RGS17: variants seen among roughly 807,000 people sequenced by gnomAD.
RGS17 encodes the protein regulator of G-protein signaling 17.
Under a neutral mutation model 25.5 loss-of-function variants are expected in RGS17, and 12 were observed. The ratio of observed to expected loss-of-function variants is 0.47; its 90% confidence interval spans 0.30 to 0.76. RGS17 has a LOEUF of 0.76. RGS17 is among the 30% of genes least tolerant of loss of function. The pLI, the probability that RGS17 is intolerant of heterozygous loss-of-function variation, is 0.07. For missense variants in RGS17, 196 were observed against 242.2 expected (o/e 0.81, Z 1.27); for synonymous variants, 71 against 76.9 (o/e 0.92, Z 0.40).
At chr6:153,013,984 T>C (rs1162256446) in intron 4 of RGS17, among the ~76,000 whole-genome samples, 1 of 152,204 alleles carries the variant, frequency 6.6e-6, no homozygotes, top group Non-Finnish European at 1.5e-5. Context: ...AGATAATTGA[T>C]GGAGGTGGCT....
At chr6:153,019,643 C>T (rs1779219805) in intron 4 of RGS17, among the ~76,000 whole-genome samples, 1 of 152,088 alleles carries the variant, frequency 6.6e-6, no homozygotes, top group Non-Finnish European at 1.5e-5. Context: ...CACCTCCCCA[C>T]CCCTTGCTCC....
chr6:153,024,371 A>G lies in RGS17; in HGVS notation c.335T>C (p.Leu112Pro). Residue 112 changes from leucine to proline, a missense_variant, in exon 4 of 5, where the codon CTT becomes CCT. Leu to Pro is a moderately conservative substitution (Grantham distance 98). Around this residue, in one of 2 missense-constraint regions of RGS17, gnomAD observed 179 missense variants for 197.6 expected, o/e 0.91. Coordinates refer to ENST00000206262, the MANE Select transcript of RGS17 (RefSeq NM_012419.5). ...TAAGTCTTCACAAGCAAGCCAGAAA[A>G]GTAGGTTCTCTTCACTGTATTCTGT... ...LRTEYSEENL[L>P]FWLACEDLKK... The G allele has an allele frequency of 6.2e-7, 1 of 1,614,172 alleles. No homozygotes were observed. Among genetic ancestry groups the G allele is most frequent in the East Asian group, 2.2e-5 (1 of 44,890 alleles).
intron 1 of RGS17, among the ~76,000 whole-genome samples, chr6:153,098,230 A>G (rs553223470): frequency 2.2e-4 from 34 of 152,300 alleles, no homozygotes; most frequent in African/African-American, 8.2e-4. Flanking sequence ...GTATTGGAGT[A>G]TGGATGAGGG....
chr6:153,085,781 T>C (rs116765327), intron 1 of RGS17, among the ~76,000 whole-genome samples: 1,662 of 152,290 alleles, frequency 0.011, 41 homozygotes, highest in African/African-American at 0.036. Flanking sequence ...AACAAATCCA[T>C]TAAGTGTCCA....
At chr6:153,061,241 G>A (rs1048865218) in intron 1 of RGS17, among the ~76,000 whole-genome samples, 4 of 152,190 alleles carry the variant, frequency 2.6e-5, no homozygotes, top group African/African-American at 7.2e-5. Context: ...TACAGTTAGA[G>A]CAGCTTTTGT....
At chr6:153,047,318 T>C (rs1216530169) in intron 1 of RGS17, among the ~76,000 whole-genome samples, 2 of 152,206 alleles carry the variant, frequency 1.3e-5, no homozygotes, top group Admixed American at 6.5e-5. Flanking sequence ...TCTATGTTTC[T>C]CTGTTTAGAT....
chr6:153,089,952 C>T (rs1273003475), intron 1 of RGS17, among the ~76,000 whole-genome samples: 1 of 152,114 alleles, frequency 6.6e-6, no homozygotes, highest in Non-Finnish European at 1.5e-5. Context: ...AGTGTCTAGT[C>T]CACATAATCA....
intron 1 of RGS17, among the ~76,000 whole-genome samples, chr6:153,081,917 T>C (rs574332152): frequency 6.6e-6 from 1 of 152,334 alleles, no homozygotes; most frequent in African/African-American, 2.4e-5. Context: ...CTTCTTGCAT[T>C]ACAGTTCTGT....
chr6:153,047,960 G>A (rs1408912743), intron 1 of RGS17, among the ~76,000 whole-genome samples: 5 of 151,736 alleles, frequency 3.3e-5, no homozygotes, highest in East Asian at 1.9e-4. Context: ...CATCTTCCTC[G>A]CTTTCAAATT....
chr6:153,009,232 A>G lies in RGS17; in HGVS notation c.*2342T>C, dbSNP rs372355367. On this transcript the variant is annotated 3_prime_UTR_variant, in exon 5 of 5. Transcript: ENST00000206262. ...TATGACTAGCAGGTCACCATCATAT[A>G]TAGTAACAACGAGAATATAAAGTCT... is the stretch of plus-strand genomic sequence containing the variant. The G allele has an allele frequency of 7.5e-4, 114 of 152,262 alleles. 1 individual carries two copies. Among genetic ancestry groups the G allele is most frequent in the African/African-American group, 2.5e-3 (105 of 41,572 alleles). The allele number at this position is 152,262 out of a possible 1,614,324, so 9.4% of individuals were successfully genotyped here.
intron 1 of RGS17, among the ~76,000 whole-genome samples, chr6:153,127,412 T>G (rs1279176172): frequency 6.6e-6 from 1 of 152,226 alleles, no homozygotes; most frequent in Non-Finnish European, 1.5e-5. Context: ...TTATAAGCAC[T>G]CAGTACATGC....
At chr6:153,066,286 G>A (rs533842425) in intron 1 of RGS17, among the ~76,000 whole-genome samples, 5 of 152,148 alleles carry the variant, frequency 3.3e-5, no homozygotes, top group South Asian at 2.1e-4. Context: ...GTACACTGTT[G>A]GTGGGAACAT....
At chr6:153,109,496 A>G (rs1255542187) in intron 1 of RGS17, among the ~76,000 whole-genome samples, 1 of 152,262 alleles carries the variant, frequency 6.6e-6, no homozygotes, top group Non-Finnish European at 1.5e-5. Flanking sequence ...TTGTTTTAGC[A>G]GCCGCACATT....
intron 3 of RGS17, 107 bp from the exon 4 acceptor site, chr6:153,024,603 T>C: frequency 2.5e-6 from 2 of 792,134 alleles, no homozygotes; most frequent in Non-Finnish European, 2.1e-6. Flanking sequence ...TGCTGCCATC[T>C]AGTGGTCAGT....
chr6:153,027,927 T>A (rs890977715), intron 2 of RGS17, among the ~76,000 whole-genome samples: 3 of 152,206 alleles, frequency 2.0e-5, no homozygotes, highest in African/African-American at 7.2e-5. Context: ...GAAAGTCTGA[T>A]AAGAGAAACC....
chr6:153,067,536 C>T lies in RGS17; in HGVS notation c.-25-23493G>A, dbSNP rs950182760. 5.9e-5 allele frequency among the ~76,000 whole-genome samples: 9 copies of T among 151,664 alleles called. 1 individual carries two copies. Among genetic ancestry groups the T allele is most frequent in the Admixed American group, 5.3e-4 (8 of 15,228 alleles). On this transcript the variant is annotated intron_variant, in intron 1 of 4. Coordinates refer to ENST00000206262, the MANE Select transcript of RGS17 (RefSeq NM_012419.5). ...AACAGCAAACAATCTGAAAAAGAAA[C>T]CAAAAAAAGTAATCCCATTACAACA...
intron 1 of RGS17, among the ~76,000 whole-genome samples, chr6:153,064,967 G>T (rs963306883): frequency 2.2e-4 from 33 of 152,144 alleles, no homozygotes; most frequent in African/African-American, 7.9e-4. Flanking sequence ...TAATAACATC[G>T]AATGTAAAGG....
At chr6:153,099,472 G>GAAGC (rs1373418510) in intron 1 of RGS17, among the ~76,000 whole-genome samples, 1 of 152,116 alleles carries the variant, frequency 6.6e-6, no homozygotes, top group African/African-American at 2.4e-5. Context: ...TATAATTAGA[G>GAAGC]AAGCATAAGT....
At position 153,011,606 on chromosome 6, in the gene RGS17, C is replaced by G. The variant is rs1779134002; in HGVS notation, c.601G>C (p.Glu201Gln). The G allele has an allele frequency of 6.2e-7, 1 of 1,610,600 alleles. No individual in the cohort carries two copies. The highest frequency in any genetic ancestry group is 1.1e-5 in the South Asian group (1 of 90,702). The change falls in exon 5 of 5, where the codon GAA becomes CAA. Residue 201 changes from glutamate to glutamine, a missense_variant. Around this residue, in one of 2 missense-constraint regions of RGS17, gnomAD observed 179 missense variants for 197.6 expected, o/e 0.91. Transcript: ENST00000206262. ...LNSQIYKSFV[E>Q]STAGSSSES ...TCAGAAGAAGAGCCAGCAGTACTTT[C>G]AACAAATGACTTATAAATTTGAGAG...
Sources: gnomAD v4.1 joint callset for allele counts (sites outside exome capture counted in the v4.1 genomes callset) on GRCh38, gnomAD v4.1.1 for gene constraint, gnomAD v4.1.1 regional missense constraint, MANE v1.5 for transcripts, NCBI Gene and HGNC (gene_info 2026-07-23, HGNC 2026-07-21) for gene names.